The following NEGR1 variants were observed in gnomAD, a reference collection of about 807,000 sequenced individuals.
The protein encoded by NEGR1 is IgLON family member 4.
Under a neutral mutation model 40.9 loss-of-function variants are expected in NEGR1, and 10 were observed. The ratio of observed to expected loss-of-function variants is 0.24; its 90% CI spans 0.15 to 0.42. The LOEUF (loss-of-function observed/expected upper bound fraction) is 0.42, where lower values mean the gene tolerates loss of function less well. Among genes scored for constraint, NEGR1 ranks in the 10% least tolerant of loss-of-function variants. The pLI is 1.00. For synonymous variants in NEGR1, 185 were observed against 166.8 expected, an observed-to-expected ratio of 1.11 and a Z score of -0.84; for missense variants, 352 against 438.9, an observed-to-expected ratio of 0.80 and a Z score of 1.77.
intron 1 of NEGR1, among the ~76,000 whole-genome samples, chr1:71,942,748 C>T (rs1163723656): frequency 6.9e-6 from 1 of 145,570 alleles, no homozygotes; most frequent in Non-Finnish European, 1.5e-5. Context: ...GTGATCCGCC[C>T]GCCTCGGCCT....
chr1:71,496,653 T>C (rs765931916), intron 6 of NEGR1, among the ~76,000 whole-genome samples: 4 of 152,036 alleles, frequency 2.6e-5, no homozygotes, highest in Non-Finnish European at 5.9e-5. Context: ...ATAGGCATCC[T>C]GGAGGGCCCT....
intron 6 of NEGR1, among the ~76,000 whole-genome samples, chr1:71,537,104 T>C (rs2101452186): frequency 6.6e-6 from 1 of 151,844 alleles, no homozygotes; most frequent in Middle Eastern, 3.4e-3. Context: ...ATCTAACTCC[T>C]ACTATGTAAC....
At chr1:71,719,342 G>A (rs1654377635) in intron 3 of NEGR1, among the ~76,000 whole-genome samples, 1 of 152,098 alleles carries the variant, frequency 6.6e-6, no homozygotes, top group African/African-American at 2.4e-5. Context: ...ATAATTAAAT[G>A]AAAGAACAAT....
chr1:71,916,634 T>C (rs1570498518), intron 2 of NEGR1, among the ~76,000 whole-genome samples: 1 of 152,284 alleles, frequency 6.6e-6, no homozygotes, highest in African/African-American at 2.4e-5. Flanking sequence ...CGTGTGCTTG[T>C]AATCACAGCT....
At chr1:72,166,324 C>A (rs1651762951) in intron 1 of NEGR1, among the ~76,000 whole-genome samples, 1 of 152,040 alleles carries the variant, frequency 6.6e-6, no homozygotes, top group Admixed American at 6.6e-5. Context: ...CCCTTGTACA[C>A]TGTTGGTAGA....
At chr1:71,695,974 T>A (rs1653462980) in intron 4 of NEGR1, among the ~76,000 whole-genome samples, 1 of 151,778 alleles carries the variant, frequency 6.6e-6, no homozygotes, top group South Asian at 2.1e-4. Flanking sequence ...CTAGCCCTCA[T>A]CTTATCACCT....
intron 4 of NEGR1, among the ~76,000 whole-genome samples, chr1:71,629,992 A>T (rs1650920211): frequency 6.6e-6 from 1 of 151,952 alleles, no homozygotes; most frequent in African/African-American, 2.4e-5. Context: ...AATTGTAATG[A>T]AAAGACTATG....
chr1:71,474,800 T>C (rs1646809748), intron 6 of NEGR1, among the ~76,000 whole-genome samples: 1 of 150,422 alleles, frequency 6.6e-6, no homozygotes, highest in African/African-American at 2.4e-5. Context: ...TGGGAAGAGG[T>C]TACTGAATAT....
chr1:71,714,909 C>T (rs1036162902), intron 3 of NEGR1, among the ~76,000 whole-genome samples: 3 of 152,202 alleles, frequency 2.0e-5, no homozygotes, highest in Admixed American at 6.5e-5. Flanking sequence ...CCAACAGCTA[C>T]ATTAGGCAGG....
intron 2 of NEGR1, among the ~76,000 whole-genome samples, chr1:71,809,773 C>T (rs933576730): frequency 2.0e-5 from 3 of 151,906 alleles, no homozygotes; most frequent in Admixed American, 1.3e-4. Context: ...CGCACATACA[C>T]GTAGTAATTC....
At chr1:72,181,357 G>A (rs780428233) in intron 1 of NEGR1, among the ~76,000 whole-genome samples, 2 of 152,066 alleles carry the variant, frequency 1.3e-5, no homozygotes, top group Non-Finnish European at 2.9e-5. Flanking sequence ...ACATCATCTG[G>A]AAGTCATCTC....
chr1:71,994,553 A>C (rs11209883), intron 1 of NEGR1, among the ~76,000 whole-genome samples: 45 of 151,754 alleles, frequency 3.0e-4, no homozygotes, highest in African/African-American at 9.9e-4. Context: ...CAAACAAAAA[A>C]AAAAAACACT....
At chr1:71,810,420 G>T (rs1195423307) in intron 2 of NEGR1, among the ~76,000 whole-genome samples, 1 of 152,036 alleles carries the variant, frequency 6.6e-6, no homozygotes, top group Non-Finnish European at 1.5e-5. Flanking sequence ...TTTCCAGTCA[G>T]ATAATCTAAT....
chr1:71,878,175 C>T (rs528336644), intron 2 of NEGR1, among the ~76,000 whole-genome samples: 61 of 152,268 alleles, frequency 4.0e-4, no homozygotes, highest in African/African-American at 1.5e-3. Context: ...TGGCCAATTT[C>T]AGTGCTCAAT....
At chr1:72,112,527 T>TG (rs1439738236) in intron 1 of NEGR1, among the ~76,000 whole-genome samples, 1 of 151,810 alleles carries the variant, frequency 6.6e-6, no homozygotes, top group African/African-American at 2.4e-5. Flanking sequence ...ACTAATATTA[T>TG]GATACATTTG....
At chr1:71,782,925 T>G (rs1395693500) in intron 2 of NEGR1, among the ~76,000 whole-genome samples, 1 of 152,118 alleles carries the variant, frequency 6.6e-6, no homozygotes, top group African/African-American at 2.4e-5. Flanking sequence ...ACAATAATCA[T>G]ACACATTTAT....
intron 5 of NEGR1, among the ~76,000 whole-genome samples, chr1:71,596,832 TAAG>T (rs1649728633): frequency 6.6e-6 from 1 of 152,146 alleles, no homozygotes; most frequent in Non-Finnish European, 1.5e-5. Context: ...ACATATATAT[TAAG>T]AAGTATCAGA....
At chr1:72,207,921 A>T (rs1653468559) in intron 1 of NEGR1, among the ~76,000 whole-genome samples, 1 of 151,770 alleles carries the variant, frequency 6.6e-6, no homozygotes, top group African/African-American at 2.4e-5. Context: ...CTTCATAAAA[A>T]TTTTTCAATA....
At chr1:71,871,227 T>C (rs1044921120) in intron 2 of NEGR1, among the ~76,000 whole-genome samples, 1 of 152,132 alleles carries the variant, frequency 6.6e-6, no homozygotes, top group African/African-American at 2.4e-5. Context: ...AGGTGACATA[T>C]TAGGCTGAGA....
Sources: allele counts gnomAD v4.1 joint callset (sites outside exome capture counted in the v4.1 genomes callset), GRCh38; gene constraint gnomAD v4.1.1; transcripts MANE v1.5; gene names NCBI Gene and HGNC (gene_info 2026-07-23, HGNC 2026-07-21).